The following CSGALNACT2 variants were observed in gnomAD, a reference collection of about 807,000 sequenced individuals.
CSGALNACT2 encodes the protein chondroitin sulfate N-acetylgalactosaminyltransferase 2, also known as beta 4 GalNAcT-2.
Under a neutral mutation model 55.3 loss-of-function variants are expected in CSGALNACT2, and 35 were observed. That is an observed-to-expected ratio of 0.63 (90% CI 0.48 to 0.84). The LOEUF is 0.84. Ranked by LOEUF, CSGALNACT2 falls within the 40% of genes least tolerant of loss-of-function variation. The pLI, the probability that CSGALNACT2 is intolerant of heterozygous loss-of-function variation, is 0.00. For synonymous variants in CSGALNACT2, 196 were observed against 224.9 expected (o/e 0.87, Z 1.15); for missense variants, 544 against 657.5 (o/e 0.83, Z 1.89).
In CSGALNACT2 at chr10:43,175,931, T is replaced by A. The variant is rs758699810; in HGVS notation, c.1255-20T>A. 1.5e-4 allele frequency: 2 copies of A among 13,380 alleles called. No individual in the cohort carries two copies. The highest frequency in any genetic ancestry group is 4.3e-3 in the African/African-American group (1 of 232). The allele number at this position is 13,380 out of a possible 1,614,324, so 0.8% of individuals were successfully genotyped here. Reference sequence around the variant, plus strand: ...TCTTATGGAATTAAATTGTTTTCTGTTTTTTTTTTTTTAACTAAGGTTCAC... The same window carrying A: ...TCTTATGGAATTAAATTGTTTTCTGATTTTTTTTTTTTAACTAAGGTTCAC... On this transcript the variant is annotated intron_variant, in intron 6 of 7. Coordinates refer to ENST00000374466, the MANE Select transcript of CSGALNACT2 (RefSeq NM_018590.5).
chr10:43,165,164 G>A (rs1839236420), intron 5 of CSGALNACT2, among the ~76,000 whole-genome samples: 1 of 152,158 alleles, frequency 6.6e-6, no homozygotes. Flanking sequence ...GGCGGAGCTT[G>A]CAGTGAGCTG....
chr10:43,174,089 GTCATGT>G (rs927649179), intron 6 of CSGALNACT2, among the ~76,000 whole-genome samples: 1 of 151,852 alleles, frequency 6.6e-6, no homozygotes, highest in Admixed American at 6.6e-5. Context: ...TTGAAAGCTT[GTCATGT>G]GCCTGGCATT....
At chr10:43,167,281 T>G (rs1839287495) in intron 6 of CSGALNACT2, among the ~76,000 whole-genome samples, 183 bp downstream of exon 6, 1 of 152,238 alleles carries the variant, frequency 6.6e-6, no homozygotes, top group African/African-American at 2.4e-5. Flanking sequence ...TAAGATGCTT[T>G]TCACATTTAT....
At chr10:43,165,174 G>C (rs1416141048) in intron 5 of CSGALNACT2, among the ~76,000 whole-genome samples, 1 of 151,774 alleles carries the variant, frequency 6.6e-6, no homozygotes, top group Non-Finnish European at 1.5e-5. Context: ...GCAGTGAGCT[G>C]AGATTGCGCC....
In CSGALNACT2 at chr10:43,153,907, C is replaced by G. The variant is rs1028091654; in HGVS notation, c.-253-990C>G. Among the ~76,000 whole-genome samples the G allele has an allele frequency of 3.3e-5, 5 of 152,272 alleles. No homozygotes were observed. In the South Asian group the frequency reaches 8.3e-4, roughly 25 times the overall value. On this transcript the variant is annotated intron_variant, in intron 1 of 7. Coordinates refer to ENST00000374466, the MANE Select transcript of CSGALNACT2 (RefSeq NM_018590.5). ...TCATGTTTTTTCTTTATATAGACTC[C>G]AAACCTTTCTAGACTTGTAGGAAAT...
chr10:43,166,511 C>T (rs1224699355), intron 5 of CSGALNACT2, among the ~76,000 whole-genome samples: 1 of 152,188 alleles, frequency 6.6e-6, no homozygotes, highest in African/African-American at 2.4e-5. Flanking sequence ...CCTTGTCTTC[C>T]CGACTTTTCC....
rs746421353 is a variant in CSGALNACT2 at position 43,183,508 on chromosome 10, A to G, written c.1595A>G (p.Gln532Arg). The change falls in exon 8 of 8, where the codon CAG becomes CGG. Residue 532 changes from glutamine (Q) to arginine (R), a missense_variant. Gln to Arg is a conservative substitution (Grantham distance 43). Around this residue, in one of 2 missense-constraint regions of CSGALNACT2, gnomAD observed 170 missense variants for 256.2 expected, o/e 0.66. Transcript: ENST00000374466. ...REEIETHLHK[Q>R]AYRTNSEAVG ...GAAATAGAGACGCATCTTCATAAAC[A>G]GGCATACAGGACAAACAGTGAAGCT... is the stretch of plus-strand genomic sequence containing the variant. 2 of 1,614,210 alleles carry G rather than the reference A, an allele frequency of 1.2e-6. No individual in the cohort carries two copies. The highest frequency in any genetic ancestry group is 4.5e-5 in the East Asian group (2 of 44,876).
chr10:43,168,655 C>G (rs961072887), intron 6 of CSGALNACT2, among the ~76,000 whole-genome samples: 1 of 141,444 alleles, frequency 7.1e-6, no homozygotes, highest in Non-Finnish European at 1.5e-5. Context: ...CATATCAACA[C>G]TTGGCATAGT....
At chr10:43,179,210 T>C (rs1839542045) in intron 7 of CSGALNACT2, among the ~76,000 whole-genome samples, 1 of 151,838 alleles carries the variant, frequency 6.6e-6, no homozygotes, top group Non-Finnish European at 1.5e-5. Flanking sequence ...TTAAAGCTAA[T>C]GTCTGGGCCC....
chr10:43,139,027 C>T (rs1187597628), intron 1 of CSGALNACT2, among the ~76,000 whole-genome samples: 1 of 152,162 alleles, frequency 6.6e-6, no homozygotes, highest in Admixed American at 6.5e-5. Context: ...TTAAAAATGA[C>T]TCTACCCTTG....
In CSGALNACT2 at chr10:43,162,462, C is replaced by T. The variant is rs1839172865; in HGVS notation, c.981-1404C>T. On this transcript the variant is annotated intron_variant, in intron 4 of 7. Coordinates refer to ENST00000374466, the MANE Select transcript of CSGALNACT2 (RefSeq NM_018590.5). ...CAGAGAGTGAGGGGTATTCTGTGAT[C>T]AGTGCCTCCACTTGATGCTGAGTAT... The T allele has an allele frequency of 4.1e-6, 4 of 985,422 alleles. No individual in the cohort carries two copies. The South Asian group carries it at 1.4e-4, about 35-fold the overall frequency. The allele number at this position is 985,422 out of a possible 1,614,324, so 61.0% of individuals were successfully genotyped here.
intron 6 of CSGALNACT2, among the ~76,000 whole-genome samples, chr10:43,174,553 T>A (rs1269739177): frequency 2.0e-5 from 3 of 152,202 alleles, no homozygotes; most frequent in Admixed American, 2.0e-4. Context: ...CCTGCTGTCA[T>A]CTTGGTTGAT....
Position 43,143,353 on chromosome 10 carries a change from C to G in CSGALNACT2, c.-254+4786C>G, listed in dbSNP as rs78281193. Among the ~76,000 whole-genome samples, 1,281 of 152,208 alleles carry G rather than the reference C, an allele frequency of 8.4e-3. 54 individuals carry two copies. The East Asian group carries it at 0.097, about 11-fold the overall frequency. On this transcript the variant is annotated intron_variant, in intron 1 of 7. Transcript: ENST00000374466. ...TGCTTATAATTTTATTTTGCTGTTA[C>G]GTGTAACACTGATAAACATCCTATG... is the stretch of plus-strand genomic sequence containing the variant.
At chr10:43,176,905 A>T (rs931548523) in intron 7 of CSGALNACT2, among the ~76,000 whole-genome samples, 4 of 152,196 alleles carry the variant, frequency 2.6e-5, no homozygotes, top group African/African-American at 9.7e-5. Context: ...TAAAGTGTCA[A>T]AGAATAGTTT....
At chr10:43,180,135 C>A (rs534240965) in intron 7 of CSGALNACT2, among the ~76,000 whole-genome samples, 69 of 152,264 alleles carry the variant, frequency 4.5e-4, no homozygotes, top group South Asian at 3.5e-3. Flanking sequence ...GAGCCTCCAC[C>A]CTGTTGCTGT....
intron 6 of CSGALNACT2, 76 bp from the exon 7 acceptor site, chr10:43,175,875 A>G: frequency 3.9e-6 from 5 of 1,279,308 alleles, no homozygotes; most frequent in Admixed American, 2.0e-5. Flanking sequence ...TTAGAAAATA[A>G]TTTGTTTCAT....
rs184013863 is a variant in CSGALNACT2, at chr10:43,149,275, C to A, written c.-253-5622C>A. 1.7e-4 allele frequency among the ~76,000 whole-genome samples: 26 copies of A among 152,140 alleles called. No homozygotes were observed. In the East Asian group the frequency reaches 4.6e-3, roughly 27 times the overall value. On this transcript the variant is annotated intron_variant, in intron 1 of 7. Coordinates refer to ENST00000374466, the MANE Select transcript of CSGALNACT2 (RefSeq NM_018590.5). Reference sequence around the variant, plus strand: ...TAATTTTTTGTATTTTTAGTAGAGGCGGGGTTTCATTGTGCTAGCCAGGAT... The same window carrying A: ...TAATTTTTTGTATTTTTAGTAGAGGAGGGGTTTCATTGTGCTAGCCAGGAT...
chr10:43,158,755 A>T lies in CSGALNACT2; in HGVS notation c.702A>T (p.Glu234Asp). The change falls in exon 3 of 8, where the codon GAA becomes GAT. Residue 234 changes from glutamate (E) to aspartate (D), a missense_variant. Around this residue, in one of 2 missense-constraint regions of CSGALNACT2, gnomAD observed 374 missense variants for 401.3 expected, o/e 0.93. Transcript: ENST00000374466. The stretch of plus-strand genomic sequence containing the variant: ...AGAGAGATAAGGGCACACAGTATGA[A>T]CTCTTTTTTAAGAAAGCAGACCTTA... The part of the protein sequence containing the change: ...RTERDKGTQY[E>D]LFFKKADLTE... 1 of 1,611,906 alleles carries T rather than the reference A, an allele frequency of 6.2e-7. No individual in the cohort carries two copies.
Position 43,155,197 on chromosome 10 carries a change from G to C in CSGALNACT2, c.48G>C (p.Leu16=), listed in dbSNP as rs143853259. 267 of 1,614,156 alleles carry C rather than the reference G, an allele frequency of 1.7e-4. 1 individual carries two copies. The African/African-American group carries it at 2.3e-3, about 14-fold the overall frequency. Residue 16 remains leucine (L), a synonymous_variant, in exon 2 of 8, where the codon CTG becomes CTC. Transcript: ENST00000374466. The part of the protein sequence containing the change: ...LILHTRTHWL[L]LGLALLCSLV... ...TTCACACCCGGACCCACTGGTTGCT[G>C]TTGGGCCTTGCTTTGCTCTGCAGTT...
Sources: allele counts gnomAD v4.1 joint callset (sites outside exome capture counted in the v4.1 genomes callset), GRCh38; gene constraint gnomAD v4.1.1; regional missense constraint gnomAD v4.1.1; transcripts MANE v1.5; gene names NCBI Gene and HGNC (gene_info 2026-07-23, HGNC 2026-07-21).